Variants in DHX36 observed in about 807,000 individuals in gnomAD.
The protein encoded by DHX36 is DEAH-box helicase 36, also known as ATP-dependent DNA/RNA helicase DHX36.
DHX36 carries 50 observed loss-of-function variants against 139.0 expected under a neutral mutation model. The ratio of observed to expected loss-of-function variants is 0.36; its 90% CI spans 0.29 to 0.46. The LOEUF (loss-of-function observed/expected upper bound fraction) is 0.46. Among genes scored for constraint, DHX36 ranks in the 20% least tolerant of loss-of-function variants. DHX36 has a pLI of 1.00. For missense variants in DHX36, 1,024 were observed against 1,211.3 expected (o/e 0.85, Z 2.29); for synonymous variants, 425 against 401.9 (o/e 1.06, Z -0.69).
At chr3:154,284,552 C>A (rs779722858) in intron 19 of DHX36, 31 bp downstream of exon 19, 1 of 1,511,776 alleles carries the variant, frequency 6.6e-7, no homozygotes, top group Non-Finnish European at 9.0e-7. Flanking sequence ...AATAAACTAT[C>A]ATAATCCAGG....
intron 12 of DHX36, among the ~76,000 whole-genome samples, chr3:154,298,863 G>A (rs138683579): frequency 4.6e-4 from 70 of 152,266 alleles, no homozygotes; most frequent in African/African-American, 1.6e-3. Flanking sequence ...GCAGTGAGCC[G>A]AGATCGCACC....
intron 9 of DHX36, among the ~76,000 whole-genome samples, 170 bp downstream of exon 9, chr3:154,303,159 G>A (rs1436299665): frequency 6.6e-6 from 1 of 152,114 alleles, no homozygotes; most frequent in Admixed American, 6.5e-5. Flanking sequence ...CAGGCATCTG[G>A]ATTTTAAAAA....
At chr3:154,277,000 T>A in intron 23 of DHX36, 101 bp from the exon 24 acceptor site, 1 of 988,978 alleles carries the variant, frequency 1.0e-6, no homozygotes, top group Admixed American at 3.3e-5. Context: ...GTATCTTCCT[T>A]CTAAAATATT....
chr3:154,316,269 T>C, intron 1 of DHX36, 106 bp from the exon 2 acceptor site: 1 of 1,412,648 alleles, frequency 7.1e-7, no homozygotes, highest in Non-Finnish European at 9.7e-7. Flanking sequence ...GTTCAACAAA[T>C]ACATATAAAA....
At position 154,306,229 on chromosome 3, in the gene DHX36, T is replaced by C. The variant is rs774740694; in HGVS notation, c.880A>G (p.Ile294Val). The C allele has an allele frequency of 6.2e-7, 1 of 1,613,324 alleles. No homozygotes were observed. The highest frequency in any genetic ancestry group is 1.1e-5 in the South Asian group (1 of 91,060). ...AACATTTCTTACCTCTGGAGACGAA[T>C]TTGATATCCAGTACTATTACCACTG... ...CGSGNSTGYQ[I>V]RLQSRLPRKQ... The change falls in exon 6 of 25, where the codon ATT becomes GTT. Residue 294 changes from isoleucine (I) to valine (V), a missense_variant. Coordinates refer to ENST00000496811, the MANE Select transcript of DHX36 (RefSeq NM_020865.3).
chr3:154,305,025 T>G (rs1712446467), intron 7 of DHX36, 53 bp from the exon 8 acceptor site: 24 of 1,593,042 alleles, frequency 1.5e-5, no homozygotes, highest in Non-Finnish European at 2.0e-5. Flanking sequence ...CTTTAACAAC[T>G]AGTAAAATCC....
Position 154,316,070 on chromosome 3 carries a change from G to C in DHX36, c.337C>G (p.Gln113Glu). Residue 113 changes from glutamine to glutamate, a missense_variant, in exon 2 of 25, where the codon CAG becomes GAG. By Grantham distance (29) the Gln-to-Glu change is conservative (BLOSUM62 2). Transcript: ENST00000496811. ...QAKNDKESEA[Q>E]ISWFAPEDHG... Reference sequence around the variant, plus strand: ...TCCTCAGGAGCAAACCAGGATATCTGTGCTTCTGACTCTTTATCATTCTTC... The same window carrying C: ...TCCTCAGGAGCAAACCAGGATATCTCTGCTTCTGACTCTTTATCATTCTTC... 1 of 1,613,172 alleles carries C rather than the reference G, an allele frequency of 6.2e-7. No individual in the cohort carries two copies. Among genetic ancestry groups the C allele is most frequent in the Non-Finnish European group, 8.5e-7 (1 of 1,179,516 alleles).
intron 22 of DHX36, 79 bp from the exon 23 acceptor site, chr3:154,277,797 T>C (rs1433414402): frequency 2.3e-6 from 3 of 1,303,706 alleles, no homozygotes; most frequent in Non-Finnish European, 3.1e-6. Flanking sequence ...CTTGAAAAAC[T>C]GATAGAAGAG....
intron 3 of DHX36, among the ~76,000 whole-genome samples, chr3:154,313,784 C>G (rs1216211514): frequency 6.6e-6 from 1 of 152,084 alleles, no homozygotes; most frequent in Non-Finnish European, 1.5e-5. Flanking sequence ...AAATATTGCA[C>G]ATGCTAAAAA....
At chr3:154,296,640 T>A (rs568495398) in intron 12 of DHX36, among the ~76,000 whole-genome samples, 1 of 152,332 alleles carries the variant, frequency 6.6e-6, no homozygotes, top group African/African-American at 2.4e-5. Flanking sequence ...AATACAGTGA[T>A]GGGTGAAAGG....
chr3:154,281,902 A>T (rs951281758), intron 20 of DHX36, among the ~76,000 whole-genome samples: 1 of 152,108 alleles, frequency 6.6e-6, no homozygotes, highest in Non-Finnish European at 1.5e-5. Context: ...CAGCTGATTA[A>T]GCATGCACTC....
chr3:154,309,754 T>C lies in DHX36; in HGVS notation c.712A>G (p.Thr238Ala). Residue 238 changes from threonine to alanine, a missense_variant, in exon 5 of 25, where the codon ACT becomes GCT. Physicochemically the swap from Thr to Ala is moderately conservative, Grantham distance 58 (BLOSUM62 0). This residue lies in a region of DHX36 where 146 missense variants were observed against 215.0 expected (regional missense o/e 0.68). Transcript: ENST00000496811. ...TCCAAAATGAACTGAGTAACTTGAG[T>C]GGTTTTGCCACAACCAGTTTCACCA... ...ISGETGCGKT[T>A]QVTQFILDNY... is the part of the protein sequence containing the mutation. The C allele has an allele frequency of 1.2e-6, 2 of 1,612,790 alleles. No individual in the cohort carries two copies. The highest frequency in any genetic ancestry group is 1.7e-6 in the Non-Finnish European group (2 of 1,179,406).
chr3:154,304,315 T>G (rs1203513458), intron 8 of DHX36, among the ~76,000 whole-genome samples: 3 of 152,160 alleles, frequency 2.0e-5, no homozygotes, highest in African/African-American at 7.2e-5. Flanking sequence ...TTGGGAAACC[T>G]ACTTAACTGC....
chr3:154,302,896 G>A (rs13099297), intron 9 of DHX36, among the ~76,000 whole-genome samples: 16,602 of 152,060 alleles, frequency 0.11, 1,411 homozygotes, highest in East Asian at 0.38. Flanking sequence ...TGGCCAACAC[G>A]GTGAAACTAG....
chr3:154,277,660 C>A lies in DHX36; in HGVS notation c.2626G>T (p.Val876Leu). Reference sequence around the variant, plus strand: ...TTGTAGTGAAAGTCTGTTTGCTCCACATTAACAGATTTAGGATGAACAGCA... The same window carrying A: ...TTGTAGTGAAAGTCTGTTTGCTCCAAATTAACAGATTTAGGATGAACAGCA... Reference protein sequence around the residue: ...LVAVHPKSVNVEQTDFHYNWL... With the variant: ...LVAVHPKSVNLEQTDFHYNWL... The change falls in exon 23 of 25, where the codon GTG (valine) becomes TTG (leucine). Residue 876 changes from valine (V) to leucine (L), a missense_variant. Coordinates refer to ENST00000496811, the MANE Select transcript of DHX36 (RefSeq NM_020865.3). 6.2e-7 allele frequency: 1 copy of A among 1,612,342 alleles called. No homozygotes were observed. The highest frequency in any genetic ancestry group is 8.5e-7 in the Non-Finnish European group (1 of 1,178,854).
At chr3:154,312,892 TATATATATAA>T (rs1199682181) in intron 3 of DHX36, among the ~76,000 whole-genome samples, 1 of 74,708 alleles carries the variant, frequency 1.3e-5, no homozygotes, top group Non-Finnish European at 2.6e-5. Context: ...TATATATATA[TATATATATAA>T]AATAAATAAA....
chr3:154,292,111 C>T (rs1396927137), intron 15 of DHX36, among the ~76,000 whole-genome samples: 1 of 152,130 alleles, frequency 6.6e-6, no homozygotes, highest in Non-Finnish European at 1.5e-5. Flanking sequence ...TTGGACAAGT[C>T]ATTTAATTTC....
rs1719135665 is a variant in DHX36 at position 154,275,995 on chromosome 3, T to C, written c.*176A>G. On this transcript the variant is annotated 3_prime_UTR_variant, in exon 25 of 25. Transcript: ENST00000496811. ...CTTTTATGGTATATATATATATATA[T>C]ATATATCTCTACATATAACATCAAG... 5 of 424,632 alleles carry C rather than the reference T, an allele frequency of 1.2e-5. No homozygotes were observed. The highest frequency in any genetic ancestry group is 2.0e-5 in the Non-Finnish European group (5 of 244,244). 26.3% of individuals were successfully genotyped at this position (424,632 alleles called of 1,614,324 possible).
intron 17 of DHX36, among the ~76,000 whole-genome samples, chr3:154,287,487 T>G (rs2108339241): frequency 6.6e-6 from 1 of 152,024 alleles, no homozygotes; most frequent in Admixed American, 6.5e-5. Flanking sequence ...AAACCCCATC[T>G]CTACGAAAAA....
Sources: allele counts gnomAD v4.1 joint callset (sites outside exome capture counted in the v4.1 genomes callset), GRCh38; gene constraint gnomAD v4.1.1; regional missense constraint gnomAD v4.1.1; transcripts MANE v1.5; gene names NCBI Gene and HGNC (gene_info 2026-07-23, HGNC 2026-07-21).